TMEM94: variants seen among roughly 807,000 people sequenced by gnomAD.
TMEM94 encodes the protein ER Mg2+ ATPase.
Under a neutral mutation model 158.6 loss-of-function variants are expected in TMEM94, and 81 were observed. That is an observed-to-expected ratio of 0.51 (90% CI 0.43 to 0.61). The LOEUF (loss-of-function observed/expected upper bound fraction) is 0.61. Ranked by LOEUF, TMEM94 falls within the 20% of genes least tolerant of loss-of-function variation. The pLI is 0.00. For synonymous variants in TMEM94, 751 were observed against 730.7 expected (o/e 1.03, Z -0.45); for missense variants, 1,435 against 1,762.0 (o/e 0.81, Z 3.32).
intron 1 of TMEM94, among the ~76,000 whole-genome samples, chr17:75,470,375 G>C (rs563010981): frequency 1.3e-5 from 2 of 152,200 alleles, no homozygotes; most frequent in Non-Finnish European, 2.9e-5. Flanking sequence ...AGTACTTTGA[G>C]AGGCCGAGGC....
intron 26 of TMEM94, among the ~76,000 whole-genome samples, chr17:75,497,535 G>A (rs1352240049): frequency 6.6e-6 from 1 of 151,966 alleles, no homozygotes; most frequent in Non-Finnish European, 1.5e-5. Flanking sequence ...TGTATTTTTA[G>A]TAGAGATGGG....
chr17:75,459,761 C>T (rs1362214990), intron 1 of TMEM94: 2 of 152,122 alleles, frequency 1.3e-5, no homozygotes, highest in African/African-American at 4.8e-5. Flanking sequence ...CTGGGTCAGG[C>T]GTGGCACTGG....
Position 75,485,720 on chromosome 17 carries a change from C to A in TMEM94, c.145-151C>A. 7.6e-7 allele frequency: 1 copy of A among 1,318,530 alleles called. No homozygotes were observed. Among genetic ancestry groups the A allele is most frequent in the African/African-American group, 1.5e-5 (1 of 67,608 alleles). The allele number at this position is 1,318,530 out of a possible 1,614,324, so 81.7% of individuals were successfully genotyped here. On this transcript the variant is annotated intron_variant, in intron 3 of 31. Coordinates refer to ENST00000314256, the MANE Select transcript of TMEM94 (RefSeq NM_014738.6). The surrounding 1 kb of genome is among the most constrained non-coding windows in gnomAD (Gnocchi z 5.5). ...CCCCTCAGAGTGGCTCCTGAGCCTGCTTGCTGCAGGAGCCCAACAGGCTGG... is the reference window on the plus strand; with the variant it reads ...CCCCTCAGAGTGGCTCCTGAGCCTGATTGCTGCAGGAGCCCAACAGGCTGG...
At position 75,485,342 on chromosome 17, in the gene TMEM94, G is replaced by A. The variant is rs374082449; in HGVS notation, c.25-86G>A. 79 of 1,490,728 alleles carry A rather than the reference G, an allele frequency of 5.3e-5. 1 individual carries two copies. The highest frequency in any genetic ancestry group is 4.8e-4 in the East Asian group (21 of 43,712). The allele number at this position is 1,490,728 out of a possible 1,614,324, so 92.3% of individuals were successfully genotyped here. A position where few individuals can be genotyped will look rare whatever the true frequency, so the allele number is the denominator to read the frequency against. ...ATCCCAGAGGAGGGGAAGGATGAAG[G>A]GCCAGGGAAGGGGAGGGTTGGGGCC... is the stretch of plus-strand genomic sequence containing the variant. On this transcript the variant is annotated intron_variant, in intron 2 of 31. Coordinates refer to ENST00000314256, the MANE Select transcript of TMEM94 (RefSeq NM_014738.6). This position sits in a 1 kb window ranked among gnomAD's most constrained non-coding sequence, Gnocchi z 5.5.
chr17:75,486,572 C>G (rs2051632609), intron 5 of TMEM94, 146 bp downstream of exon 5: 4 of 1,001,902 alleles, frequency 4.0e-6, no homozygotes. Context: ...TAGAAGGATG[C>G]CCACTCTCTT....
At chr17:75,479,430 C>G (rs1243625956) in intron 2 of TMEM94, among the ~76,000 whole-genome samples, 1 of 152,134 alleles carries the variant, frequency 6.6e-6, no homozygotes, top group Admixed American at 6.5e-5. Flanking sequence ...AGCGATTCCC[C>G]TGCCTCAGCC....
At chr17:75,496,158 G>C in intron 23 of TMEM94, 84 bp downstream of exon 23, 1 of 1,515,810 alleles carries the variant, frequency 6.6e-7, no homozygotes, top group Non-Finnish European at 9.1e-7. Context: ...GGCTGGGGGT[G>C]TGTACTATAG....
In TMEM94 at chr17:75,487,865, T is replaced by A; in HGVS notation, c.410-67T>A. The A allele has an allele frequency of 7.4e-7, 1 of 1,348,614 alleles. No individual in the cohort carries two copies. Among genetic ancestry groups the A allele is most frequent in the Non-Finnish European group, 1.1e-6 (1 of 949,410 alleles). The allele number at this position is 1,348,614 out of a possible 1,614,324, so 83.5% of individuals were successfully genotyped here. Reference sequence around the variant, plus strand: ...GGGCAGACAGTGCTTCCGGAAGTGCTGCTGTATCTGACTGGGGGGCAGGGC... The same window carrying A: ...GGGCAGACAGTGCTTCCGGAAGTGCAGCTGTATCTGACTGGGGGGCAGGGC... On this transcript the variant is annotated intron_variant, in intron 5 of 31. Coordinates refer to ENST00000314256, the MANE Select transcript of TMEM94 (RefSeq NM_014738.6). The surrounding 1 kb of genome is among the most constrained non-coding windows in gnomAD (Gnocchi z 4.6).
At chr17:75,496,909 C>A in intron 25 of TMEM94, 102 bp downstream of exon 25, 2 of 1,308,660 alleles carry the variant, frequency 1.5e-6, no homozygotes, top group Non-Finnish European at 2.2e-6. Flanking sequence ...GCAGTACAGT[C>A]AAGGGGTCCC....
chr17:75,493,160 G>T, intron 16 of TMEM94, 58 bp downstream of exon 16: 1 of 1,543,866 alleles, frequency 6.5e-7, no homozygotes, highest in Non-Finnish European at 8.8e-7. Flanking sequence ...TTGGCAGGGG[G>T]GCTCTGCCCA....
chr17:75,462,365 G>C (rs548489485), intron 1 of TMEM94, among the ~76,000 whole-genome samples: 2 of 151,872 alleles, frequency 1.3e-5, no homozygotes, highest in East Asian at 3.9e-4. Flanking sequence ...AAGCAGAGTT[G>C]AGCATCTTTG....
rs1237815520 is a variant in TMEM94, at chr17:75,498,821, CTG to C, written c.3828-89_3828-88del. The C allele has an allele frequency of 1.5e-5, 23 of 1,524,000 alleles. No individual in the cohort carries two copies. In the East Asian group the frequency reaches 5.2e-4, roughly 35 times the overall value. 94.4% of individuals were successfully genotyped at this position (1,524,000 alleles called of 1,614,324 possible). A position where few individuals can be genotyped will look rare whatever the true frequency, so the allele number is the denominator to read the frequency against. The stretch of plus-strand genomic sequence containing the variant: ...GGCGGGACCGGGGCCAGTGGTTTAA[CTG>C]TACCCTGCCTGAGCTAACTGTTGTA... On this transcript the variant is annotated intron_variant, in intron 30 of 31. Transcript: ENST00000314256. The surrounding 1 kb of genome is among the most constrained non-coding windows in gnomAD (Gnocchi z 6.7).
chr17:75,484,952 C>T (rs536563607), intron 2 of TMEM94, among the ~76,000 whole-genome samples: 1 of 151,690 alleles, frequency 6.6e-6, no homozygotes, highest in Non-Finnish European at 1.5e-5. Flanking sequence ...GCGGGAGAAT[C>T]ACCAGAACCC....
At chr17:75,472,796 A>C (rs2050547228) in intron 2 of TMEM94, among the ~76,000 whole-genome samples, 1 of 152,058 alleles carries the variant, frequency 6.6e-6, no homozygotes, top group Non-Finnish European at 1.5e-5. Flanking sequence ...TCCTGCTTTG[A>C]CTTTAGCACT....
chr17:75,472,012 C>T, intron 2 of TMEM94, 83 bp downstream of exon 2: 1 of 1,447,754 alleles, frequency 6.9e-7, no homozygotes, highest in South Asian at 1.1e-5. Flanking sequence ...CTGGGAGATC[C>T]TTAACTGGGG....
rs2051781380 is a variant in TMEM94 at position 75,488,098 on chromosome 17, T to G, written c.576T>G (p.Pro192=). The change falls in exon 6 of 32, where the codon CCT becomes CCG. Residue 192 remains proline, a synonymous_variant. Transcript: ENST00000314256. ...LVEGDIIALR[P]GQESFASLRG... ...AAGGAGACATCATAGCTTTGAGGCC[T>G]GGCCAGGAATCGTTTGCTTCTCTGA... 1 of 1,614,230 alleles carries G rather than the reference T, an allele frequency of 6.2e-7. No individual in the cohort carries two copies. The highest frequency in any genetic ancestry group is 2.2e-5 in the East Asian group (1 of 44,886).
At chr17:75,497,033 G>GGC (rs2052764431) in intron 25 of TMEM94, 80 bp from the exon 26 acceptor site, 1 of 1,301,810 alleles carries the variant, frequency 7.7e-7, no homozygotes. Context: ...CTGGGCCCAG[G>GGC]GCAAGGGAGC....
intron 1 of TMEM94, among the ~76,000 whole-genome samples, chr17:75,471,055 G>A (rs2050482167): frequency 6.6e-6 from 1 of 151,706 alleles, no homozygotes; most frequent in Non-Finnish European, 1.5e-5. Flanking sequence ...TGGCCAATAT[G>A]GTGAAACCCC....
At chr17:75,486,121 A>G (rs892520958) in intron 4 of TMEM94, 123 bp downstream of exon 4, 1 of 1,436,336 alleles carries the variant, frequency 7.0e-7, no homozygotes, top group South Asian at 1.4e-5. Context: ...ATGTAAGGGA[A>G]CCTCCTCAGT....
Sources: gnomAD v4.1 joint callset for allele counts (sites outside exome capture counted in the v4.1 genomes callset) on GRCh38, gnomAD v4.1.1 for gene constraint, Gnocchi (gnomAD v3.1) non-coding constraint, MANE v1.5 for transcripts, NCBI Gene and HGNC (gene_info 2026-07-23, HGNC 2026-07-21) for gene names.